Variants in TBC1D2B observed in about 807,000 individuals in gnomAD.
TBC1D2B encodes the protein TBC1 domain family member 2B, also known as TBC1 domain family, member 2B.
In TBC1D2B, 64 loss-of-function variants were observed where a neutral mutation model predicts 100.8. That is an observed-to-expected ratio of 0.64 (90% CI 0.52 to 0.78). The LOEUF is 0.78. Ranked by LOEUF, TBC1D2B falls within the 30% of genes least tolerant of loss-of-function variation. TBC1D2B has a pLI of 0.00. For synonymous variants in TBC1D2B, 480 were observed against 479.7 expected (o/e 1.00, Z -0.01); for missense variants, 1,052 against 1,218.4 (o/e 0.86, Z 2.03).
intron 4 of TBC1D2B, among the ~76,000 whole-genome samples, chr15:78,028,217 G>A (rs899803011): frequency 2.6e-5 from 4 of 152,182 alleles, no homozygotes; most frequent in African/African-American, 7.2e-5. Context: ...GCTCATGGCT[G>A]TAATCTCAGT....
chr15:78,006,137 A>G (rs1374377047), intron 10 of TBC1D2B, among the ~76,000 whole-genome samples: 1 of 152,170 alleles, frequency 6.6e-6, no homozygotes, highest in Non-Finnish European at 1.5e-5. Flanking sequence ...GTGATCTACT[A>G]CATGTGACCC....
chr15:78,013,739 CAAAG>C (rs1046661668), intron 8 of TBC1D2B, among the ~76,000 whole-genome samples: 2 of 150,398 alleles, frequency 1.3e-5, no homozygotes, highest in African/African-American at 4.9e-5. Flanking sequence ...TAAAAAAAAA[CAAAG>C]AATGTATTTA....
At chr15:78,027,007 C>A (rs2072688321) in intron 4 of TBC1D2B, among the ~76,000 whole-genome samples, 1 of 151,546 alleles carries the variant, frequency 6.6e-6, no homozygotes, top group African/African-American at 2.4e-5. Flanking sequence ...TAGCTTAGGC[C>A]TAGAAGTTCA....
chr15:78,051,188 G>A (rs2073305816), intron 2 of TBC1D2B, among the ~76,000 whole-genome samples: 1 of 152,200 alleles, frequency 6.6e-6, no homozygotes, highest in African/African-American at 2.4e-5. Context: ...CTATGTGTAA[G>A]TCCTTATTAG....
chr15:78,065,243 A>G (rs138867024), intron 1 of TBC1D2B, among the ~76,000 whole-genome samples: 49 of 152,356 alleles, frequency 3.2e-4, no homozygotes, highest in African/African-American at 1.1e-3. Flanking sequence ...AGCAAATACC[A>G]TTTAACAGAG....
chr15:77,998,934 T>C (rs2071838769), intron 12 of TBC1D2B: 1 of 185,030 alleles, frequency 5.4e-6, no homozygotes, highest in Admixed American at 5.6e-5. Context: ...GGGTTTCACA[T>C]CCCCAGGTCA....
At chr15:78,022,772 T>C (rs1013410834) in intron 6 of TBC1D2B, among the ~76,000 whole-genome samples, 1 of 152,034 alleles carries the variant, frequency 6.6e-6, no homozygotes, top group East Asian at 1.9e-4. Context: ...TGGTCTCAAA[T>C]TCCTGGGCTC....
chr15:78,075,209 A>AT (rs1299075455), intron 1 of TBC1D2B, among the ~76,000 whole-genome samples: 1 of 150,858 alleles, frequency 6.6e-6, no homozygotes, highest in Non-Finnish European at 1.5e-5. Context: ...TTTTTTTTTA[A>AT]TTTTTTTTGA....
chr15:78,029,298 C>T (rs535804740), intron 4 of TBC1D2B, among the ~76,000 whole-genome samples: 1 of 152,142 alleles, frequency 6.6e-6, no homozygotes, highest in African/African-American at 2.4e-5. Flanking sequence ...ACCTCGTGAT[C>T]TGCCCACCCT....
intron 1 of TBC1D2B, among the ~76,000 whole-genome samples, chr15:78,063,526 C>T (rs2073592067): frequency 6.6e-6 from 1 of 152,134 alleles, no homozygotes; most frequent in Admixed American, 6.5e-5. Flanking sequence ...ACAAATAAAA[C>T]TATATCAGAT....
chr15:78,074,580 A>G (rs1227440198), intron 1 of TBC1D2B, among the ~76,000 whole-genome samples: 2 of 152,172 alleles, frequency 1.3e-5, no homozygotes, highest in Non-Finnish European at 2.9e-5. Context: ...ACACTGCAAA[A>G]CAGGAGAAGC....
Position 78,001,651 on chromosome 15 carries a change from G to A in TBC1D2B, c.2664C>T (p.Leu888=). ...CAAGGATAGTGCGAGTGAAGTAGCG[G>A]AGATACTTAAATATAGACATCGAAT... The part of the protein sequence containing the change: ...LQDSMSIFKY[L]RYFTRTILDA... The change falls in exon 12 of 13, where the codon CTC becomes CTT. Residue 888 remains leucine (L), a synonymous_variant. Transcript: ENST00000300584. 1 of 1,608,912 alleles carries A rather than the reference G, an allele frequency of 6.2e-7. No individual in the cohort carries two copies. Among genetic ancestry groups the A allele is most frequent in the Non-Finnish European group, 8.5e-7 (1 of 1,177,624 alleles).
Position 78,003,175 on chromosome 15 carries a change from G to A in TBC1D2B, c.2574+130C>T, listed in dbSNP as rs925307689. 1.2e-4 allele frequency: 88 copies of A among 728,154 alleles called. No homozygotes were observed. In the Middle Eastern group the frequency reaches 1.3e-3, roughly 11 times the overall value. The allele number at this position is 728,154 out of a possible 1,614,324, so 45.1% of individuals were successfully genotyped here. On this transcript the variant is annotated intron_variant, in intron 11 of 12. Coordinates refer to ENST00000300584, the MANE Select transcript of TBC1D2B (RefSeq NM_144572.2). ...CCTGGACCCAGATCTAGTGCAGGCCGTGCTGAGATCCCTTGGGCACCATGG... is the reference window on the plus strand; with the variant it reads ...CCTGGACCCAGATCTAGTGCAGGCCATGCTGAGATCCCTTGGGCACCATGG...
Position 77,998,002 on chromosome 15 carries a change from C to T in TBC1D2B, c.*158G>A. 1.5e-6 allele frequency: 1 copy of T among 647,498 alleles called. No individual in the cohort carries two copies. The highest frequency in any genetic ancestry group is 2.5e-6 in the Non-Finnish European group (1 of 397,662). The allele number at this position is 647,498 out of a possible 1,614,324, so 40.1% of individuals were successfully genotyped here. A position where few individuals can be genotyped will look rare whatever the true frequency, so the allele number is the denominator to read the frequency against. On this transcript the variant is annotated 3_prime_UTR_variant, in exon 13 of 13. Transcript: ENST00000300584. ...CAGATTAGACCTCCCACCCCTGCCC[C>T]CCGCACAGTGGGAAATGAGGAAGGG...
chr15:78,075,982 T>C (rs1290312611), intron 1 of TBC1D2B, among the ~76,000 whole-genome samples: 4 of 152,158 alleles, frequency 2.6e-5, no homozygotes, highest in South Asian at 2.1e-4. Context: ...CCCAACCCTG[T>C]TGCTCTGGAG....
intron 3 of TBC1D2B, among the ~76,000 whole-genome samples, chr15:78,039,391 C>T (rs1366733179): frequency 6.6e-6 from 1 of 152,226 alleles, no homozygotes; most frequent in Non-Finnish European, 1.5e-5. Flanking sequence ...TCACAAATAA[C>T]TCTTTCTACC....
chr15:78,015,069 T>C (rs2072334776), intron 8 of TBC1D2B, among the ~76,000 whole-genome samples: 1 of 152,100 alleles, frequency 6.6e-6, no homozygotes, highest in South Asian at 2.1e-4. Context: ...GGCGTGGTGG[T>C]GGGCGCCTGT....
intron 1 of TBC1D2B, among the ~76,000 whole-genome samples, chr15:78,073,754 G>A (rs1018798011): frequency 8.6e-5 from 13 of 152,040 alleles, no homozygotes; most frequent in Non-Finnish European, 8.8e-5. Flanking sequence ...GGTGGATCAC[G>A]AGGTCAGGAG....
Position 78,044,984 on chromosome 15 carries a change from C to G in TBC1D2B, c.599G>C (p.Gly200Ala). The G allele has an allele frequency of 3.1e-6, 5 of 1,613,830 alleles. No homozygotes were observed. Among genetic ancestry groups the G allele is most frequent in the Non-Finnish European group, 4.2e-6 (5 of 1,179,760 alleles). Reference sequence around the variant, plus strand: ...GGCGGGCTGATTTGCAGCTTGTTCTCCCACCAGCTCTCCAGGCACAGTCTC... The same window carrying G: ...GGCGGGCTGATTTGCAGCTTGTTCTGCCACCAGCTCTCCAGGCACAGTCTC... ...AVETVPGELV[G>A]EQAANQPAPG... is the part of the protein sequence containing the mutation. The change falls in exon 3 of 13, where the codon GGA becomes GCA. Residue 200 changes from glycine to alanine, a missense_variant. By Grantham distance (60) the Gly-to-Ala change is moderately conservative. This residue lies in a region of TBC1D2B where 627 missense variants were observed against 646.1 expected (regional missense o/e 0.97). Coordinates refer to ENST00000300584, the MANE Select transcript of TBC1D2B (RefSeq NM_144572.2).
Sources: allele counts gnomAD v4.1 joint callset (sites outside exome capture counted in the v4.1 genomes callset), GRCh38; gene constraint gnomAD v4.1.1; regional missense constraint gnomAD v4.1.1; transcripts MANE v1.5; gene names NCBI Gene and HGNC (gene_info 2026-07-23, HGNC 2026-07-21).